Variants in UROC1 observed in about 807,000 individuals in gnomAD.
UROC1 encodes the protein urocanate hydratase 1, also known as urocanate hydratase.
UROC1 carries 79 observed loss-of-function variants against 89.5 expected under a neutral mutation model. The ratio of observed to expected loss-of-function variants is 0.88; its 90% confidence interval spans 0.74 to 1.06. UROC1 has a LOEUF of 1.06. Ranked by LOEUF, UROC1 falls within the 50% of genes least tolerant of loss-of-function variation. The pLI, the probability that UROC1 is intolerant of heterozygous loss-of-function variation, is 0.00. For missense variants in UROC1, 885 were observed against 907.8 expected (o/e 0.97, Z 0.32); for synonymous variants, 361 against 354.8 (o/e 1.02, Z -0.20).
At position 126,505,722 on chromosome 3, in the gene UROC1, C is replaced by A. The variant is rs753970077; in HGVS notation, c.792G>T (p.Gly264=). The change falls in exon 8 of 20, where the codon GGG becomes GGT. Residue 264 remains glycine (G), a synonymous_variant. Coordinates refer to ENST00000290868, the MANE Select transcript of UROC1 (RefSeq NM_144639.3). ...GAQAKAAVIV[G]CIGVIAEVDK... ...TTACCTCTGCTATCACACCGATGCA[C>A]CCCACGATGACTGCGGCCTTGGCCT... The A allele has an allele frequency of 2.4e-5, 39 of 1,613,718 alleles. No homozygotes were observed. In the Middle Eastern group the frequency reaches 6.6e-4, roughly 27 times the overall value.
intron 13 of UROC1, 36 bp from the exon 14 acceptor site, chr3:126,498,208 T>G: frequency 3.7e-6 from 6 of 1,613,450 alleles, no homozygotes; most frequent in Non-Finnish European, 5.1e-6. Context: ...CTGGGCCCGC[T>G]GGCTTGTTGG....
At chr3:126,499,865 C>A (rs1488367361) in intron 12 of UROC1, among the ~76,000 whole-genome samples, 192 bp downstream of exon 12, 5 of 152,208 alleles carry the variant, frequency 3.3e-5, no homozygotes, top group Non-Finnish European at 5.9e-5. Context: ...GAAACTGAGG[C>A]CCAGAGAGGC....
chr3:126,501,603 C>T (rs947096703), intron 9 of UROC1, among the ~76,000 whole-genome samples: 1 of 152,230 alleles, frequency 6.6e-6, no homozygotes, highest in Non-Finnish European at 1.5e-5. Flanking sequence ...ACAGAACCCA[C>T]CCAAGGTGGT....
chr3:126,511,253 CTT>C (rs1560128214), intron 1 of UROC1, among the ~76,000 whole-genome samples: 1 of 152,202 alleles, frequency 6.6e-6, no homozygotes. Flanking sequence ...CACATGAACT[CTT>C]TTGATCGTGA....
intron 1 of UROC1, among the ~76,000 whole-genome samples, chr3:126,513,462 C>G (rs1936237049): frequency 6.6e-6 from 1 of 152,032 alleles, no homozygotes; most frequent in Non-Finnish European, 1.5e-5. Context: ...GCGGACAGCG[C>G]TCTGGGTTGC....
intron 17 of UROC1, among the ~76,000 whole-genome samples, chr3:126,488,761 G>C (rs62264727): frequency 1.3e-5 from 2 of 152,164 alleles, no homozygotes; most frequent in African/African-American, 4.8e-5. Flanking sequence ...AGCCCAAGCC[G>C]GTCACCTTAT....
rs1158209949 is a variant in UROC1 at position 126,510,667 on chromosome 3, A to C, written c.254T>G (p.Met85Arg). 4 of 1,613,956 alleles carry C rather than the reference A, an allele frequency of 2.5e-6. No individual in the cohort carries two copies. In the East Asian group the frequency reaches 8.9e-5, roughly 36 times the overall value. Residue 85 changes from methionine (M) to arginine (R), a missense_variant, in exon 2 of 20, where the codon ATG becomes AGG. Coordinates refer to ENST00000290868, the MANE Select transcript of UROC1 (RefSeq NM_144639.3). ...YMYRFCPDIE[M>R]RAYPIEQYPC... ...AAGCTGTACCCACAAGGCTGACCTC[A>C]TTTCAATGTCGGGGCAAAACCGGTA...
chr3:126,507,927 G>A, intron 5 of UROC1, 40 bp downstream of exon 5: 1 of 1,613,502 alleles, frequency 6.2e-7, no homozygotes, highest in Non-Finnish European at 8.5e-7. Flanking sequence ...CCTCTCTTTG[G>A]AGCCCTGGGC....
intron 4 of UROC1, 118 bp downstream of exon 4, chr3:126,508,298 C>T: frequency 7.3e-7 from 1 of 1,362,086 alleles, no homozygotes; most frequent in Non-Finnish European, 1.0e-6. Context: ...GCTGGAGCCT[C>T]AGGCACCAGG....
intron 16 of UROC1, among the ~76,000 whole-genome samples, chr3:126,491,845 C>T (rs534434983): frequency 6.6e-6 from 1 of 152,316 alleles, no homozygotes; most frequent in East Asian, 1.9e-4. Context: ...AGCTGACTCA[C>T]TCAATCCTCA....
chr3:126,507,909 G>T (rs577256568), intron 5 of UROC1, 58 bp downstream of exon 5: 2 of 1,613,118 alleles, frequency 1.2e-6, no homozygotes, highest in African/African-American at 2.7e-5. Flanking sequence ...TCTTTCCAGC[G>T]TCTGCACCCT....
rs140116834 is a variant in UROC1, at chr3:126,493,338, TGAC to T, written c.1510-825_1510-823del. ...GTGCACACACACGTTCACAGCAGCATGACAACAGCTGAGAGGTGGAGGCGACCT... is the reference window on the plus strand; with the variant it reads ...GTGCACACACACGTTCACAGCAGCATAACAGCTGAGAGGTGGAGGCGACCT... On this transcript the variant is annotated intron_variant, in intron 15 of 19. Coordinates refer to ENST00000290868, the MANE Select transcript of UROC1 (RefSeq NM_144639.3). Among the ~76,000 whole-genome samples the T allele has an allele frequency of 2.4e-4, 36 of 152,262 alleles. No homozygotes were observed. The East Asian group carries it at 6.0e-3, about 25-fold the overall frequency.
At chr3:126,497,180 C>A (rs1935796111) in intron 14 of UROC1, among the ~76,000 whole-genome samples, 2 of 152,214 alleles carry the variant, frequency 1.3e-5, no homozygotes, top group Admixed American at 1.3e-4. Flanking sequence ...CCCTGCCCAG[C>A]CCACCGAACA....
intron 14 of UROC1, among the ~76,000 whole-genome samples, chr3:126,497,530 G>A (rs920387742): frequency 1.3e-5 from 2 of 152,226 alleles, no homozygotes; most frequent in African/African-American, 2.4e-5. Flanking sequence ...AAGGCTGGCG[G>A]GAGCATGTGG....
intron 18 of UROC1, among the ~76,000 whole-genome samples, chr3:126,484,544 A>G (rs916898422): frequency 6.6e-6 from 1 of 152,122 alleles, no homozygotes; most frequent in African/African-American, 2.4e-5. Context: ...CTTCAGGCCC[A>G]TCCAGCTTTC....
chr3:126,498,889 G>A (rs141801962), intron 13 of UROC1, among the ~76,000 whole-genome samples: 3,543 of 152,116 alleles, frequency 0.023, 46 homozygotes, highest in African/African-American at 0.026. Flanking sequence ...TCTGGCTCCC[G>A]CCCTCATCCC....
intron 18 of UROC1, 113 bp from the exon 19 acceptor site, chr3:126,483,581 G>A (rs530432314): frequency 1.6e-5 from 15 of 962,398 alleles, no homozygotes; most frequent in East Asian, 2.6e-5. Context: ...GGTTGGGGCC[G>A]CCACACCGCC....
At position 126,507,807 on chromosome 3, in the gene UROC1, G is replaced by A. The variant is rs199966536; in HGVS notation, c.541-4C>T. ...GGGAGGAGTAGTTGGGAATGACCTG[G>A]AGAAGAGGATGGGGGCAGACAGAGG... On this transcript the variant is annotated splice_polypyrimidine_tract_variant and splice_region_variant and intron_variant, in intron 5 of 19. Coordinates refer to ENST00000290868, the MANE Select transcript of UROC1 (RefSeq NM_144639.3). 7 of 1,614,158 alleles carry A rather than the reference G, an allele frequency of 4.3e-6. No homozygotes were observed. The East Asian group carries it at 1.6e-4, about 36-fold the overall frequency.
chr3:126,501,708 T>C (rs995516850), intron 9 of UROC1: 3 of 1,431,300 alleles, frequency 2.1e-6, no homozygotes, highest in Admixed American at 4.4e-5. Context: ...ACAGAAGATT[T>C]GAACAGGCCT....
Sources: gnomAD v4.1 joint callset for allele counts (sites outside exome capture counted in the v4.1 genomes callset) on GRCh38, gnomAD v4.1.1 for gene constraint, MANE v1.5 for transcripts, NCBI Gene and HGNC (gene_info 2026-07-23, HGNC 2026-07-21) for gene names.